ENPP2: variants seen among roughly 807,000 people sequenced by gnomAD.
ENPP2 encodes the protein ectonucleotide pyrophosphatase/phosphodiesterase 2.
Under a neutral mutation model 120.2 loss-of-function variants are expected in ENPP2, and 51 were observed. The ratio of observed to expected loss-of-function variants is 0.42; its 90% CI spans 0.34 to 0.54. The LOEUF is 0.54. Among genes scored for constraint, ENPP2 ranks in the 20% least tolerant of loss-of-function variants. The probability of loss-of-function intolerance (pLI) is 0.04; values close to 1 mark genes in which losing one functional copy is unlikely to be tolerated. For synonymous variants in ENPP2, 365 were observed against 366.4 expected, an observed-to-expected ratio of 1.00 and a Z score of 0.04; for missense variants, 920 against 1,066.5, an observed-to-expected ratio of 0.86 and a Z score of 1.91.
At position 119,568,172 on chromosome 8, in the gene ENPP2, T is replaced by TAA; in HGVS notation, c.2131+2_2131+3insTT. 1 of 1,511,048 alleles carries TAA rather than the reference T, an allele frequency of 6.6e-7. No homozygotes were observed. Among genetic ancestry groups the TAA allele is most frequent in the Non-Finnish European group, 9.2e-7 (1 of 1,088,512 alleles). The allele number at this position is 1,511,048 out of a possible 1,614,324, so 93.6% of individuals were successfully genotyped here. A position where few individuals can be genotyped will look rare whatever the true frequency, so the allele number is the denominator to read the frequency against. The stretch of plus-strand genomic sequence containing the variant: ...CAGTGTATTAGGTAAATATTGGACT[T>TAA]ACGTTTGAAAGCAGGATACATTGGA... On this transcript the variant is annotated splice_region_variant and intron_variant, in intron 22 of 24. Transcript: ENST00000075322.
In ENPP2 at chr8:119,603,566, G is replaced by A. The variant is rs374493672; in HGVS notation, c.834-2104C>T. Among the ~76,000 whole-genome samples, 43 of 152,218 alleles carry A rather than the reference G, an allele frequency of 2.8e-4. No homozygotes were observed. The East Asian group carries it at 3.1e-3, about 11-fold the overall frequency. ...TAAACTTTTGATGCCTCTGGAAAAC[G>A]AGGACAATATAATAGTACCTATCTC... On this transcript the variant is annotated intron_variant, in intron 9 of 24. Transcript: ENST00000075322.
At chr8:119,642,277 T>A (rs1210065072), upstream of ENPP2, among the ~76,000 whole-genome samples, 4 of 152,218 alleles carry the variant, frequency 2.6e-5, no homozygotes, top group African/African-American at 4.8e-5. Flanking sequence ...AATTTTTTTA[T>A]TTAAGTTAGT....
chr8:119,569,008 G>A (rs1027422870), intron 21 of ENPP2, among the ~76,000 whole-genome samples: 8 of 151,344 alleles, frequency 5.3e-5, no homozygotes, highest in Non-Finnish European at 8.8e-5. Flanking sequence ...AATGTAAGGC[G>A]GGACACAGAA....
chr8:119,581,759 T>C (rs1465961620), intron 18 of ENPP2, among the ~76,000 whole-genome samples: 1 of 144,696 alleles, frequency 6.9e-6, no homozygotes. Context: ...CTTTTTTTCA[T>C]TTCCTTTTTT....
At chr8:119,659,741 A>G (rs1010184857) in intron 1 of ENPP2, among the ~76,000 whole-genome samples, 2 of 152,232 alleles carry the variant, frequency 1.3e-5, no homozygotes, top group African/African-American at 4.8e-5. Flanking sequence ...ATATTGGTGA[A>G]AAAACTGATT....
chr8:119,604,340 A>C lies in ENPP2; in HGVS notation c.834-2878T>G, dbSNP rs772289897. Among the ~76,000 whole-genome samples the C allele has an allele frequency of 3.9e-4, 60 of 152,036 alleles. 1 individual carries two copies. Among genetic ancestry groups the C allele is most frequent in the Non-Finnish European group, 7.8e-4 (53 of 67,976 alleles). On this transcript the variant is annotated intron_variant, in intron 9 of 24. Transcript: ENST00000075322. ...ACCACACCCAGCCTCTAATCTCTTAAATGAGGAGTTGGGCAAGGTTGTCTC... is the reference window on the plus strand; with the variant it reads ...ACCACACCCAGCCTCTAATCTCTTACATGAGGAGTTGGGCAAGGTTGTCTC...
intron 2 of ENPP2, among the ~76,000 whole-genome samples, chr8:119,635,740 A>G (rs969220413): frequency 8.5e-5 from 13 of 152,256 alleles, no homozygotes; most frequent in South Asian, 4.1e-4. Context: ...TAATAAATCT[A>G]TAAATCTTTT....
intron 8 of ENPP2, 61 bp downstream of exon 8, chr8:119,616,204 A>T (rs1587487786): frequency 1.3e-6 from 2 of 1,494,718 alleles, no homozygotes; most frequent in Non-Finnish European, 1.8e-6. Context: ...AAATTTGGGG[A>T]TGAAATGTCT....
chr8:119,604,700 A>G (rs955546535), intron 9 of ENPP2, among the ~76,000 whole-genome samples: 4 of 152,206 alleles, frequency 2.6e-5, no homozygotes, highest in Non-Finnish European at 5.9e-5. Context: ...TGTGAATAAG[A>G]AAACAAATAC....
At chr8:119,581,280 A>AAAG (rs1812716317) in intron 18 of ENPP2, among the ~76,000 whole-genome samples, 1 of 151,556 alleles carries the variant, frequency 6.6e-6, no homozygotes. Flanking sequence ...AAAAAAAAAA[A>AAAG]AAAGAAAACC....
At chr8:119,657,037 C>T (rs1339148057) in intron 1 of ENPP2, among the ~76,000 whole-genome samples, 1 of 152,134 alleles carries the variant, frequency 6.6e-6, no homozygotes, top group Non-Finnish European at 1.5e-5. Context: ...AAGCGATTCT[C>T]CTGCCTCAGC....
intron 11 of ENPP2, chr8:119,596,096 GTC>G: frequency 8.3e-7 from 1 of 1,198,972 alleles, no homozygotes. Context: ...GATCAGCAGA[GTC>G]TCAGAATAAC....
chr8:119,557,305 A>T lies in ENPP2; in HGVS notation c.*216T>A. On this transcript the variant is annotated 3_prime_UTR_variant, in exon 25 of 25. Coordinates refer to ENST00000075322, the MANE Select transcript of ENPP2 (RefSeq NM_001040092.3). ...TTTAGAAGCTTCCACTAAAAACTCA[A>T]GCTGCAGTATTTATTACAAGCTCTA... 1 of 477,858 alleles carries T rather than the reference A, an allele frequency of 2.1e-6. No homozygotes were observed. Among genetic ancestry groups the T allele is most frequent in the Non-Finnish European group, 3.7e-6 (1 of 271,896 alleles). The allele number at this position is 477,858 out of a possible 1,614,324, so 29.6% of individuals were successfully genotyped here. A position where few individuals can be genotyped will look rare whatever the true frequency, so the allele number is the denominator to read the frequency against.
At chr8:119,669,908 AT>A (rs1818190985) in intron 1 of ENPP2, among the ~76,000 whole-genome samples, 1 of 152,204 alleles carries the variant, frequency 6.6e-6, no homozygotes, top group Non-Finnish European at 1.5e-5. Flanking sequence ...TCAAAACTGC[AT>A]TTTCTTATCT....
chr8:119,605,733 C>G (rs1024681196), intron 9 of ENPP2, among the ~76,000 whole-genome samples: 7 of 151,304 alleles, frequency 4.6e-5, no homozygotes, highest in African/African-American at 1.7e-4. Context: ...CCCCAAAGTG[C>G]TGGGATTACA....
intron 4 of ENPP2, among the ~76,000 whole-genome samples, chr8:119,620,416 G>A (rs1236676253): frequency 6.6e-6 from 1 of 152,112 alleles, no homozygotes; most frequent in Non-Finnish European, 1.5e-5. Flanking sequence ...ATAATTGTTT[G>A]GGTATGGGGA....
intron 1 of ENPP2, among the ~76,000 whole-genome samples, chr8:119,645,301 C>T (rs906249547): frequency 5.9e-5 from 9 of 152,302 alleles, no homozygotes; most frequent in South Asian, 2.1e-4. Context: ...ACAACAAGTT[C>T]ACCCTCCCAA....
intron 23 of ENPP2, among the ~76,000 whole-genome samples, chr8:119,563,721 G>C (rs142715963): frequency 2.0e-5 from 3 of 151,762 alleles, no homozygotes; most frequent in South Asian, 2.1e-4. Context: ...TTAAAATTAC[G>C]ATTTAACTAC....
intron 1 of ENPP2, among the ~76,000 whole-genome samples, chr8:119,659,811 G>A (rs151223174): frequency 6.6e-6 from 1 of 152,160 alleles, no homozygotes; most frequent in African/African-American, 2.4e-5. Flanking sequence ...GAGGAAAATT[G>A]CTTGTCTTGT....
Sources: gnomAD v4.1 joint callset for allele counts (sites outside exome capture counted in the v4.1 genomes callset) on GRCh38, gnomAD v4.1.1 for gene constraint, MANE v1.5 for transcripts, NCBI Gene and HGNC (gene_info 2026-07-23, HGNC 2026-07-21) for gene names.